The following FBXL4 variants were observed in gnomAD, a reference collection of about 807,000 sequenced individuals.
FBXL4 encodes F-box and leucine rich repeat protein 4.
In FBXL4, 40 loss-of-function variants were observed where a neutral mutation model predicts 58.9. The observed-to-expected ratio is 0.68, with a 90% CI of 0.53 to 0.88. The LOEUF (loss-of-function observed/expected upper bound fraction) is 0.88, where lower values mean the gene tolerates loss of function less well. Ranked by LOEUF, FBXL4 falls within the 40% of genes least tolerant of loss-of-function variation. FBXL4 has a pLI of 0.00. For missense variants in FBXL4, 676 were observed against 734.4 expected, an observed-to-expected ratio of 0.92 and a Z score of 0.92; for synonymous variants, 263 against 265.5, an observed-to-expected ratio of 0.99 and a Z score of 0.09.
intron 2 of FBXL4, 75 bp from the exon 3 acceptor site, chr6:98,927,897 C>T (rs1772852031): frequency 6.6e-6 from 1 of 152,154 alleles, no homozygotes. Flanking sequence ...TATAAATAGC[C>T]ACTTATTCAA....
intron 7 of FBXL4, chr6:98,898,792 T>G (rs1272343166): frequency 1.1e-5 from 11 of 985,208 alleles, no homozygotes; most frequent in Non-Finnish European, 1.3e-5. Flanking sequence ...CCTAGAGATA[T>G]TAGTGAAAAA....
At chr6:98,946,384 T>C (rs922972315) in intron 1 of FBXL4, among the ~76,000 whole-genome samples, 17 of 152,210 alleles carry the variant, frequency 1.1e-4, no homozygotes, top group African/African-American at 4.1e-4. Flanking sequence ...GAGGTGGATA[T>C]TTATATACAA....
At chr6:98,887,402 T>C (rs534709986) in intron 7 of FBXL4, among the ~76,000 whole-genome samples, 1 of 152,342 alleles carries the variant, frequency 6.6e-6, no homozygotes, top group Non-Finnish European at 1.5e-5. Flanking sequence ...GATTGTAACT[T>C]TAAGGCACAG....
At chr6:98,937,207 G>A (rs1773253330) in intron 1 of FBXL4, among the ~76,000 whole-genome samples, 1 of 151,992 alleles carries the variant, frequency 6.6e-6, no homozygotes, top group South Asian at 2.1e-4. Flanking sequence ...CTACTCAGGA[G>A]GCTGAGGCAG....
chr6:98,880,443 C>A (rs1770811112), intron 8 of FBXL4, 110 bp downstream of exon 8: 1 of 816,648 alleles, frequency 1.2e-6, no homozygotes, highest in Non-Finnish European at 2.0e-6. Flanking sequence ...AACCATAAAT[C>A]TGAAAAACTG....
chr6:98,907,318 T>C (rs540648160), intron 5 of FBXL4, among the ~76,000 whole-genome samples: 3 of 152,302 alleles, frequency 2.0e-5, no homozygotes, highest in African/African-American at 7.2e-5. Flanking sequence ...TGTTCACATT[T>C]GTGTTTCAGA....
intron 5 of FBXL4, among the ~76,000 whole-genome samples, chr6:98,910,625 C>A (rs574228774): frequency 1.8e-4 from 28 of 151,740 alleles, no homozygotes; most frequent in African/African-American, 6.8e-4. Flanking sequence ...CCACTGCACT[C>A]CAGCCTGGGC....
In FBXL4 at chr6:98,898,695, T is replaced by C. The variant is rs1037109598; in HGVS notation, c.1317+573A>G. On this transcript the variant is annotated intron_variant, in intron 7 of 9. Coordinates refer to ENST00000369244, the MANE Select transcript of FBXL4 (RefSeq NM_001278716.2). Reference sequence around the variant, plus strand: ...ACTGGAAAAACTAAATGTTGATCATTTGGAGAATGTTAAATAGATTATGGT... The same window carrying C: ...ACTGGAAAAACTAAATGTTGATCATCTGGAGAATGTTAAATAGATTATGGT... The C allele has an allele frequency of 9.1e-6, 9 of 984,902 alleles. No homozygotes were observed. The African/African-American group carries it at 1.6e-4, about 17-fold the overall frequency. The allele number at this position is 984,902 out of a possible 1,614,324, so 61.0% of individuals were successfully genotyped here.
In FBXL4 at chr6:98,917,411, C is replaced by T; in HGVS notation, c.821G>A (p.Gly274Glu). ...KKFSSAVLGEGPNNGYFDKLP... is the reference protein window; with the variant it reads ...KKFSSAVLGEEPNNGYFDKLP... Reference sequence around the variant, plus strand: ...TTTATCAAAATACCCATTATTTGGCCCTTCCCCGAGGACAGCACTGCTAAA... The same window carrying T: ...TTTATCAAAATACCCATTATTTGGCTCTTCCCCGAGGACAGCACTGCTAAA... The change falls in exon 5 of 10, where the codon GGG (glycine) becomes GAG (glutamate). Residue 274 changes from glycine to glutamate, a missense_variant. Transcript: ENST00000369244. 6.2e-7 allele frequency: 1 copy of T among 1,611,104 alleles called. No individual in the cohort carries two copies. The highest frequency in any genetic ancestry group is 1.1e-5 in the South Asian group (1 of 90,414).
intron 1 of FBXL4, among the ~76,000 whole-genome samples, chr6:98,941,843 C>CA (rs2128413178): frequency 1.3e-5 from 2 of 151,978 alleles, no homozygotes; most frequent in African/African-American, 4.8e-5. Context: ...AAGTTAAAGC[C>CA]AAAATTAGGA....
intron 5 of FBXL4, among the ~76,000 whole-genome samples, chr6:98,913,304 C>T (rs908414688): frequency 4.6e-5 from 7 of 152,088 alleles, no homozygotes; most frequent in African/African-American, 1.7e-4. Flanking sequence ...AGAAATTGAA[C>T]TCAGCTCGGC....
intron 6 of FBXL4, among the ~76,000 whole-genome samples, chr6:98,903,406 A>G (rs1771685372): frequency 1.3e-5 from 2 of 152,130 alleles, no homozygotes; most frequent in Admixed American, 6.5e-5. Flanking sequence ...TAGTGACTAC[A>G]CTTAAAGGAA....
chr6:98,872,368 A>C lies in FBXL4; in HGVS notation c.*1910T>G, dbSNP rs1004894913. On this transcript the variant is annotated 3_prime_UTR_variant, in exon 10 of 10. Transcript: ENST00000369244. Reference sequence around the variant, plus strand: ...AAATCATATTCTCATGGATTAATGTAAGTATTTGACAATACCTATCTGCAA... The same window carrying C: ...AAATCATATTCTCATGGATTAATGTCAGTATTTGACAATACCTATCTGCAA... 3 of 152,178 alleles carry C rather than the reference A, an allele frequency of 2.0e-5. No homozygotes were observed. The highest frequency in any genetic ancestry group is 7.2e-5 in the African/African-American group (3 of 41,428). The allele number at this position is 152,178 out of a possible 1,614,324, so 9.4% of individuals were successfully genotyped here.
chr6:98,937,507 G>C (rs1231348335), intron 1 of FBXL4, among the ~76,000 whole-genome samples: 1 of 152,154 alleles, frequency 6.6e-6, no homozygotes, highest in African/African-American at 2.4e-5. Flanking sequence ...TACTCATTAA[G>C]TGAAAGTGAA....
rs200829924 is a variant in FBXL4, at chr6:98,908,028, C to G, written c.859-2358G>C. On this transcript the variant is annotated intron_variant, in intron 5 of 9. Coordinates refer to ENST00000369244, the MANE Select transcript of FBXL4 (RefSeq NM_001278716.2). Reference sequence around the variant, plus strand: ...AATCCCATTGTAGTGGTCCCTATACCTAGAACGATTGAATAATTTTTCTTT... The same window carrying G: ...AATCCCATTGTAGTGGTCCCTATACGTAGAACGATTGAATAATTTTTCTTT... 9.9e-5 allele frequency among the ~76,000 whole-genome samples: 15 copies of G among 152,258 alleles called. No homozygotes were observed. In the East Asian group the frequency reaches 2.9e-3, roughly 29 times the overall value.
chr6:98,936,765 C>A (rs1213911240), intron 1 of FBXL4, among the ~76,000 whole-genome samples: 1 of 152,146 alleles, frequency 6.6e-6, no homozygotes, highest in African/African-American at 2.4e-5. Context: ...GGTAGTTAAG[C>A]TTATGGGGAG....
chr6:98,946,923 T>A (rs371139273), intron 1 of FBXL4, among the ~76,000 whole-genome samples: 1 of 152,056 alleles, frequency 6.6e-6, no homozygotes, highest in African/African-American at 2.4e-5. Flanking sequence ...GAAGTGAGCC[T>A]GAAAGAAAAA....
At chr6:98,910,423 G>T (rs1771992297) in intron 5 of FBXL4, among the ~76,000 whole-genome samples, 1 of 152,196 alleles carries the variant, frequency 6.6e-6, no homozygotes, top group African/African-American at 2.4e-5. Context: ...GGAGGCCAAG[G>T]TGAGTGGATC....
chr6:98,921,713 T>G (rs889254873), intron 4 of FBXL4, among the ~76,000 whole-genome samples: 6 of 152,180 alleles, frequency 3.9e-5, no homozygotes, highest in African/African-American at 1.4e-4. Flanking sequence ...GCAACTGGAT[T>G]TGGTAGCAAA....
Sources: gnomAD v4.1 joint callset for allele counts (sites outside exome capture counted in the v4.1 genomes callset) on GRCh38, gnomAD v4.1.1 for gene constraint, MANE v1.5 for transcripts, NCBI Gene and HGNC (gene_info 2026-07-23, HGNC 2026-07-21) for gene names.